The following EPSTI1 variants were observed in gnomAD, a reference collection of about 807,000 sequenced individuals.
EPSTI1 encodes the protein epithelial stromal interaction 1.
A neutral mutation model predicts 49.9 loss-of-function variants in EPSTI1; 66 were observed. The ratio of observed to expected loss-of-function variants is 1.32; its 90% CI spans 1.08 to 1.62. The LOEUF (loss-of-function observed/expected upper bound fraction) is 1.62. Ranked by LOEUF, EPSTI1 falls within the 40% of genes most tolerant of loss-of-function variation. The probability of loss-of-function intolerance (pLI) is 0.00; values close to 1 mark genes in which losing one functional copy is unlikely to be tolerated. For missense variants in EPSTI1, 394 were observed against 365.5 expected (o/e 1.08, Z -0.64); for synonymous variants, 137 against 130.7 (o/e 1.05, Z -0.33).
At chr13:42,987,904 T>A (rs1260140126) in intron 1 of EPSTI1, among the ~76,000 whole-genome samples, 1 of 152,198 alleles carries the variant, frequency 6.6e-6, no homozygotes, top group East Asian at 1.9e-4. Flanking sequence ...ACTACGTAAG[T>A]GCTATTATTA....
intron 1 of EPSTI1, among the ~76,000 whole-genome samples, chr13:42,991,441 A>G (rs1380368222): frequency 6.6e-6 from 1 of 152,158 alleles, no homozygotes; most frequent in Admixed American, 6.5e-5. Flanking sequence ...ACGTGCCATC[A>G]CACCCAGCTT....
At chr13:42,969,071 C>T (rs370997436) in intron 3 of EPSTI1, 23 bp downstream of exon 3, 113 of 1,613,394 alleles carry the variant, frequency 7.0e-5, no homozygotes, top group South Asian at 3.6e-4. Flanking sequence ...TCCCTCATTC[C>T]GGCAGCGGCT....
chr13:42,922,764 T>C lies in EPSTI1; in HGVS notation c.657+3572A>G, dbSNP rs2038050596. 6.6e-6 allele frequency among the ~76,000 whole-genome samples: 1 copy of C among 152,136 alleles called. No individual in the cohort carries two copies. Among genetic ancestry groups the C allele is most frequent in the Admixed American group, 6.5e-5 (1 of 15,276 alleles). On this transcript the variant is annotated intron_variant, in intron 7 of 10. Transcript: ENST00000313624. This position sits in a 1 kb window ranked among gnomAD's most constrained non-coding sequence, Gnocchi z 4.8. ...GAGCATGTGACACGTAGATAAAAAT[T>C]ACAATAATCAACCTGCACTGAGTGC... is the stretch of plus-strand genomic sequence containing the variant.
chr13:42,986,096 C>T (rs929082441), intron 1 of EPSTI1, among the ~76,000 whole-genome samples: 4 of 152,186 alleles, frequency 2.6e-5, no homozygotes, highest in African/African-American at 9.7e-5. Context: ...AATGCTCAGC[C>T]ATTGGCTGGG....
chr13:42,950,199 A>G (rs571819116), intron 6 of EPSTI1, among the ~76,000 whole-genome samples: 1 of 152,346 alleles, frequency 6.6e-6, no homozygotes, highest in African/African-American at 2.4e-5. Flanking sequence ...TTAATGCACC[A>G]TTAATCTGTT....
chr13:42,888,654 C>A lies in EPSTI1; in HGVS notation c.916-152G>T, dbSNP rs1003274487. On this transcript the variant is annotated intron_variant, in intron 10 of 10. Coordinates refer to ENST00000313624, the MANE Select transcript of EPSTI1 (RefSeq NM_033255.5). ...TTAACAACTTAAATGACCATTGAAA[C>A]GATTTGATTTTCAAGTCACATTGCA... 1.3e-5 allele frequency: 10 copies of A among 779,868 alleles called. No individual in the cohort carries two copies. In the East Asian group the frequency reaches 2.4e-4, roughly 19 times the overall value. 48.3% of individuals were successfully genotyped at this position (779,868 alleles called of 1,614,324 possible). A position where few individuals can be genotyped will look rare whatever the true frequency, so the allele number is the denominator to read the frequency against.
intron 1 of EPSTI1, among the ~76,000 whole-genome samples, chr13:42,986,157 A>C (rs1175542630): frequency 1.3e-5 from 2 of 152,216 alleles, no homozygotes; most frequent in Non-Finnish European, 2.9e-5. Flanking sequence ...TGGATCCAAA[A>C]GGGTGGCAGC....
At chr13:42,928,978 TG>T (rs918042245) in intron 6 of EPSTI1, among the ~76,000 whole-genome samples, 1 of 152,244 alleles carries the variant, frequency 6.6e-6, no homozygotes, top group Non-Finnish European at 1.5e-5. Flanking sequence ...CTATCAGTTT[TG>T]GTTCCTAAAT....
intron 6 of EPSTI1, among the ~76,000 whole-genome samples, chr13:42,938,162 T>C (rs1458907666): frequency 1.3e-5 from 2 of 151,956 alleles, no homozygotes; most frequent in Non-Finnish European, 2.9e-5. Flanking sequence ...TAATAGGTAT[T>C]AGAACCAAGG....
In EPSTI1 at chr13:42,970,668, G is replaced by A. The variant is rs1363327612; in HGVS notation, c.191C>T (p.Thr64Ile). The A allele has an allele frequency of 6.3e-7, 1 of 1,595,706 alleles. No individual in the cohort carries two copies. The highest frequency in any genetic ancestry group is 8.5e-7 in the Non-Finnish European group (1 of 1,174,570). The stretch of plus-strand genomic sequence containing the variant: ...TGGTGCTATCAAGGTGTATGCACTT[G>A]TGCTAAAAGGAAGAGAAAAAAAAAT... ...ESVVHAGQRRTSAYTLIAPNI... is the reference protein window; with the variant it reads ...ESVVHAGQRRISAYTLIAPNI... The change falls in exon 2 of 11, where the codon ACA (threonine) becomes ATA (isoleucine). Residue 64 changes from threonine (T) to isoleucine (I), a missense_variant and splice_region_variant. Coordinates refer to ENST00000313624, the MANE Select transcript of EPSTI1 (RefSeq NM_033255.5).
intron 10 of EPSTI1, among the ~76,000 whole-genome samples, chr13:42,891,502 C>G (rs1394096813): frequency 2.0e-5 from 3 of 151,908 alleles, no homozygotes; most frequent in Non-Finnish European, 2.9e-5. Flanking sequence ...TTTTTTTTGC[C>G]AAATAATTGA....
At chr13:42,988,656 G>A (rs944240321) in intron 1 of EPSTI1, among the ~76,000 whole-genome samples, 4 of 151,926 alleles carry the variant, frequency 2.6e-5, no homozygotes, top group Middle Eastern at 3.4e-3. Context: ...GCTTGAACAC[G>A]GGAGGCAGAG....
rs751190720 is a variant in EPSTI1 at position 42,888,292 on chromosome 13, T to C, written c.*202A>G. ...CATTTCCCTGGCAGTAGAGATTAAA[T>C]ATGAGTTCAGGAATCAGCTCCTCCA... On this transcript the variant is annotated 3_prime_UTR_variant, in exon 11 of 11. Coordinates refer to ENST00000313624, the MANE Select transcript of EPSTI1 (RefSeq NM_033255.5). 130 of 1,604,908 alleles carry C rather than the reference T, an allele frequency of 8.1e-5. 3 individuals are homozygous for C. The Admixed American group carries it at 2.1e-3, about 25-fold the overall frequency.
chr13:42,937,877 TTTTAA>T (rs1002795865), intron 6 of EPSTI1, among the ~76,000 whole-genome samples: 14 of 152,122 alleles, frequency 9.2e-5, no homozygotes, highest in African/African-American at 2.7e-4. Flanking sequence ...TCTAGAAGGT[TTTTAA>T]TTTAGTTTGC....
intron 8 of EPSTI1, among the ~76,000 whole-genome samples, chr13:42,911,995 AT>A (rs1364595693): frequency 6.6e-6 from 1 of 152,080 alleles, no homozygotes; most frequent in Non-Finnish European, 1.5e-5. Context: ...TATAATAATA[AT>A]TTTCTCTGTC....
chr13:42,974,379 C>T (rs113941199), intron 1 of EPSTI1, among the ~76,000 whole-genome samples: 1,696 of 152,022 alleles, frequency 0.011, 29 homozygotes, highest in African/African-American at 0.037. Context: ...TTTTCCTGGC[C>T]GGGCGCGGTG....
At chr13:42,960,727 G>A (rs1352086865) in intron 5 of EPSTI1, among the ~76,000 whole-genome samples, 1 of 152,146 alleles carries the variant, frequency 6.6e-6, no homozygotes, top group Admixed American at 6.5e-5. Flanking sequence ...TCAGTTTCCT[G>A]GTCTTTTCCA....
chr13:42,964,823 T>C (rs1276360386), intron 3 of EPSTI1, among the ~76,000 whole-genome samples: 1 of 152,252 alleles, frequency 6.6e-6, no homozygotes, highest in East Asian at 1.9e-4. Context: ...TTGACAATCA[T>C]CTAAGAATTA....
At chr13:42,956,096 C>T (rs1378702222) in intron 5 of EPSTI1, among the ~76,000 whole-genome samples, 1 of 152,132 alleles carries the variant, frequency 6.6e-6, no homozygotes, top group East Asian at 1.9e-4. Context: ...CATTAGGGGA[C>T]AGCAGTTTGC....
Sources: gnomAD v4.1 joint callset for allele counts (sites outside exome capture counted in the v4.1 genomes callset) on GRCh38, gnomAD v4.1.1 for gene constraint, Gnocchi (gnomAD v3.1) non-coding constraint, MANE v1.5 for transcripts, NCBI Gene and HGNC (gene_info 2026-07-23, HGNC 2026-07-21) for gene names.